The following QTMAN variants were observed in gnomAD, a reference collection of about 807,000 sequenced individuals.
QTMAN encodes queuosine-tRNA mannosyltransferase.
At chr2:144,055,414 T>G in the QTMAN span, among the ~76,000 whole-genome samples, 16 of 152,034 alleles carry the variant, frequency 1.1e-4, no homozygotes, top group Admixed American at 1.0e-3. Flanking sequence ...GTGGAGTTTT[T>G]TTTTTTAGGT....
chr2:143,957,301 C>T, the QTMAN span: 5 of 1,605,822 alleles, frequency 3.1e-6, no homozygotes, highest in South Asian at 2.2e-5. Flanking sequence ...CAGTGTAAGA[C>T]AGAAGATCCC....
the QTMAN span, among the ~76,000 whole-genome samples, chr2:144,038,245 CTTCA>C: frequency 6.6e-6 from 1 of 152,064 alleles, no homozygotes; most frequent in Admixed American, 6.6e-5. Context: ...TGTTGAGTGT[CTTCA>C]TTAAGTTGTA....
chr2:144,310,124 A>T, the QTMAN span, among the ~76,000 whole-genome samples: 2 of 152,248 alleles, frequency 1.3e-5, no homozygotes, highest in Admixed American at 1.3e-4. Context: ...AAGATGGCCA[A>T]AGAAGGTCTC....
At chr2:143,985,612 A>G in the QTMAN span, among the ~76,000 whole-genome samples, 4 of 152,238 alleles carry the variant, frequency 2.6e-5, no homozygotes, top group Non-Finnish European at 4.4e-5. Context: ...TCATGACAAT[A>G]TATTTTCTTT....
the QTMAN span, among the ~76,000 whole-genome samples, chr2:144,100,859 C>CT: frequency 0.048 from 3,718 of 77,944 alleles, 642 homozygotes; most frequent in Non-Finnish European, 0.062. Context: ...GTCTTTCTTT[C>CT]TTTTTTTTTT....
the QTMAN span, among the ~76,000 whole-genome samples, chr2:143,958,782 C>CTTTTTTTTTT: frequency 2.6e-5 from 3 of 113,360 alleles, no homozygotes; most frequent in Non-Finnish European, 3.8e-5. Flanking sequence ...TTCTTTCTTT[C>CTTTTTTTTTT]TTTTTTTTTT....
At chr2:144,020,648 T>C in the QTMAN span, among the ~76,000 whole-genome samples, 4 of 152,200 alleles carry the variant, frequency 2.6e-5, no homozygotes, top group Admixed American at 2.6e-4. Flanking sequence ...CCTGTCTGTA[T>C]GCTCCCCTAG....
At chr2:144,095,772 T>C in the QTMAN span, among the ~76,000 whole-genome samples, 4 of 152,210 alleles carry the variant, frequency 2.6e-5, no homozygotes, top group Non-Finnish European at 4.4e-5. Flanking sequence ...CTCGGTTTTA[T>C]GGTTTTTCTA....
the QTMAN span, among the ~76,000 whole-genome samples, chr2:144,267,462 G>C: frequency 1.3e-5 from 2 of 152,212 alleles, no homozygotes; most frequent in Admixed American, 1.3e-4. Context: ...TTGGCTAGAT[G>C]TGGTCACCAG....
the QTMAN span, among the ~76,000 whole-genome samples, chr2:144,136,556 C>G: frequency 4.6e-5 from 7 of 152,120 alleles, no homozygotes; most frequent in East Asian, 1.4e-3. Flanking sequence ...CTGAGACTTG[C>G]AGAAAGGTCT....
At chr2:144,135,748 G>T in the QTMAN span, among the ~76,000 whole-genome samples, 1 of 152,222 alleles carries the variant, frequency 6.6e-6, no homozygotes, top group Non-Finnish European at 1.5e-5. Flanking sequence ...GAGACAGGTA[G>T]TTACAACAAA....
chr2:144,149,202 AGGT>A, the QTMAN span, among the ~76,000 whole-genome samples: 14 of 151,918 alleles, frequency 9.2e-5, no homozygotes, highest in African/African-American at 3.4e-4. Context: ...AATCCTAACA[AGGT>A]GCATTTTATC....
chr2:144,186,200 C>T, the QTMAN span, among the ~76,000 whole-genome samples: 3 of 152,176 alleles, frequency 2.0e-5, no homozygotes, highest in East Asian at 1.9e-4. Context: ...ATTAGAGGTA[C>T]ACACCTTAAT....
the QTMAN span, among the ~76,000 whole-genome samples, chr2:144,323,490 C>T: frequency 5.3e-4 from 81 of 152,142 alleles, no homozygotes; most frequent in Non-Finnish European, 1.1e-3. Context: ...TTAGTTTCAT[C>T]GATCATTGCT....
chr2:144,143,981 ACACTCTTATTTTTCC>A, the QTMAN span, among the ~76,000 whole-genome samples: 1 of 151,954 alleles, frequency 6.6e-6, no homozygotes, highest in Non-Finnish European at 1.5e-5. Context: ...CTGCCTTTTG[ACACTCTTATTTTTCC>A]TCTGGACAAC....
At chr2:144,068,898 G>GT in the QTMAN span, among the ~76,000 whole-genome samples, 1 of 152,122 alleles carries the variant, frequency 6.6e-6, no homozygotes, top group Non-Finnish European at 1.5e-5. Flanking sequence ...GATGTGTTAG[G>GT]TAAGAGCCAA....
chr2:144,130,282 C>A, the QTMAN span, among the ~76,000 whole-genome samples: 3 of 151,710 alleles, frequency 2.0e-5, 1 homozygote, highest in South Asian at 6.2e-4. Flanking sequence ...GTGCAGAAGA[C>A]CCTCAAAACA....
the QTMAN span, among the ~76,000 whole-genome samples, chr2:144,129,945 C>T: frequency 8.6e-5 from 13 of 151,654 alleles, no homozygotes; most frequent in African/African-American, 3.1e-4. Context: ...AACAAAACAA[C>T]CAAACTTAAG....
At chr2:143,969,348 C>T in the QTMAN span, among the ~76,000 whole-genome samples, 2 of 151,938 alleles carry the variant, frequency 1.3e-5, no homozygotes. Context: ...ATAAGTGTTC[C>T]CTTCTCAAAA....
Sources: gnomAD v4.1 joint callset for allele counts (sites outside exome capture counted in the v4.1 genomes callset) on GRCh38, gnomAD v4.1.1 for gene constraint, MANE v1.5 for transcripts, NCBI Gene and HGNC (gene_info 2026-07-23, HGNC 2026-07-21) for gene names.